TPTE: variants seen among roughly 807,000 people sequenced by gnomAD.
TPTE encodes the protein putative tyrosine-protein phosphatase TPTE.
TPTE carries 59 observed loss-of-function variants against 84.1 expected under a neutral mutation model. That is an observed-to-expected ratio of 0.70 (90% confidence interval 0.57 to 0.87). The LOEUF is 0.87. Ranked by LOEUF, TPTE falls within the 40% of genes least tolerant of loss-of-function variation. The pLI is 0.00. For missense variants in TPTE, 382 were observed against 659.6 expected (o/e 0.58, Z 4.61); for synonymous variants, 130 against 223.5 (o/e 0.58, Z 3.73).
chr21:10,603,368 A>T (rs917679641), intron 22 of TPTE, among the ~76,000 whole-genome samples, 194 bp from the exon 23 acceptor site: 2 of 152,312 alleles, frequency 1.3e-5, no homozygotes, highest in African/African-American at 4.8e-5. Context: ...AAACAGCAAG[A>T]GAATGCAGTA....
chr21:10,545,617 A>C (rs1284863229), intron 7 of TPTE, among the ~76,000 whole-genome samples: 1 of 152,272 alleles, frequency 6.6e-6, no homozygotes, highest in Non-Finnish European at 1.5e-5. Flanking sequence ...AATTTGGGTC[A>C]GTGCTAAAGG....
In TPTE at chr21:10,603,623, A is replaced by C; in HGVS notation, c.1511A>C (p.Glu504Ala). ...FYFWLHTSFIENNRLYLPKNE... is the reference protein window; with the variant it reads ...FYFWLHTSFIANNRLYLPKNE... ...TTCTGGTTGCACACATCTTTTATTG[A>C]AAATAACAGGTATGAATATAATAGA... Residue 504 changes from glutamate to alanine, a missense_variant, in exon 23 of 24, where the codon GAA becomes GCA. Glu to Ala is a moderately radical substitution (Grantham distance 107, BLOSUM62 -1). Coordinates refer to ENST00000618007, the MANE Select transcript of TPTE (RefSeq NM_199261.4). 1 of 1,612,134 alleles carries C rather than the reference A, an allele frequency of 6.2e-7. No homozygotes were observed. Among genetic ancestry groups the C allele is most frequent in the Non-Finnish European group, 8.5e-7 (1 of 1,178,488 alleles).
intron 14 of TPTE, among the ~76,000 whole-genome samples, chr21:10,575,978 G>T (rs2075142050): frequency 6.6e-6 from 1 of 152,308 alleles, no homozygotes; most frequent in South Asian, 2.1e-4. Context: ...CTGTTGGTGG[G>T]TGTGTAAATT....
intron 10 of TPTE, among the ~76,000 whole-genome samples, chr21:10,562,245 G>T (rs2074822411): frequency 6.6e-6 from 1 of 152,312 alleles, no homozygotes; most frequent in Non-Finnish European, 1.5e-5. Flanking sequence ...CAAATATCTG[G>T]AAAGCCTTCC....
At chr21:10,587,155 T>A (rs2075381239) in intron 17 of TPTE, among the ~76,000 whole-genome samples, 1 of 152,312 alleles carries the variant, frequency 6.6e-6, no homozygotes, top group Non-Finnish European at 1.5e-5. Context: ...GGATGATTCT[T>A]GCATTTGTTA....
chr21:10,562,283 G>GACAGTGAAAACTACAATAAAT (rs1224432231), intron 10 of TPTE, among the ~76,000 whole-genome samples: 1 of 152,300 alleles, frequency 6.6e-6, no homozygotes, highest in African/African-American at 2.4e-5. Flanking sequence ...AACAAGCCCT[G>GACAGTGAAAACTACAATAAAT]ACAGTGAAAA....
At position 10,545,935 on chromosome 21, in the gene TPTE, C is replaced by T. The variant is rs964555478; in HGVS notation, c.173+2553C>T. Among the ~76,000 whole-genome samples, 10 of 152,022 alleles carry T rather than the reference C, an allele frequency of 6.6e-5. No homozygotes were observed. The East Asian group carries it at 1.4e-3, about 21-fold the overall frequency. On this transcript the variant is annotated intron_variant, in intron 7 of 23. Transcript: ENST00000618007. ...GAGCATCTGTGTATATATATGTAAACATATATGTATATATCCTTTAGCATA... is the reference window on the plus strand; with the variant it reads ...GAGCATCTGTGTATATATATGTAAATATATATGTATATATCCTTTAGCATA...
chr21:10,579,610 A>T (rs1236335464), intron 17 of TPTE, among the ~76,000 whole-genome samples: 1 of 152,308 alleles, frequency 6.6e-6, no homozygotes, highest in African/African-American at 2.4e-5. Flanking sequence ...ACTTTTTTAG[A>T]TTCCACAAAT....
chr21:10,542,567 C>CCATT (rs1334204290), intron 6 of TPTE, 119 bp downstream of exon 6: 155 of 831,254 alleles, frequency 1.9e-4, no homozygotes, highest in Admixed American at 1.2e-3. Flanking sequence ...ATCCATTCAT[C>CCATT]CATCCATCCA....
rs1175611428 is a variant in TPTE, at chr21:10,570,577, A to T, written c.795+28A>T. 9.3e-6 allele frequency: 15 copies of T among 1,613,654 alleles called. No homozygotes were observed. The East Asian group carries it at 3.3e-4, about 36-fold the overall frequency. On this transcript the variant is annotated intron_variant, in intron 14 of 23. Coordinates refer to ENST00000618007, the MANE Select transcript of TPTE (RefSeq NM_199261.4). Reference sequence around the variant, plus strand: ...AAGGGTCTTTATCTGACAAATACTCATTTCTTAGTGAATGTAGACTGTGTA... The same window carrying T: ...AAGGGTCTTTATCTGACAAATACTCTTTTCTTAGTGAATGTAGACTGTGTA...
intron 8 of TPTE, among the ~76,000 whole-genome samples, chr21:10,556,358 C>G (rs1221536262): frequency 1.3e-5 from 2 of 152,304 alleles, no homozygotes. Flanking sequence ...CATGTCCCTA[C>G]AAAGGACATG....
intron 17 of TPTE, among the ~76,000 whole-genome samples, chr21:10,579,381 T>C (rs1175143206): frequency 1.3e-5 from 2 of 152,264 alleles, no homozygotes; most frequent in Non-Finnish European, 2.9e-5. Flanking sequence ...TCCCAGCTAC[T>C]CGGAAGGCTG....
chr21:10,559,809 G>A (rs1399248280), intron 9 of TPTE, among the ~76,000 whole-genome samples: 3 of 150,430 alleles, frequency 2.0e-5, no homozygotes, highest in African/African-American at 7.4e-5. Flanking sequence ...AGGAGGCATA[G>A]ATTGCAGTGA....
intron 19 of TPTE, among the ~76,000 whole-genome samples, chr21:10,594,182 C>T (rs1288134367): frequency 6.0e-4 from 92 of 152,158 alleles, no homozygotes; most frequent in Non-Finnish European, 8.4e-4. Context: ...ATCCCATACT[C>T]CAACACATTT....
At position 10,605,681 on chromosome 21, in the gene TPTE, GT is replaced by G. The variant is rs1979227416; in HGVS notation, c.*131del. 2 of 1,447,544 alleles carry G rather than the reference GT, an allele frequency of 1.4e-6. No individual in the cohort carries two copies. Among genetic ancestry groups the G allele is most frequent in the African/African-American group, 2.9e-5 (2 of 69,126 alleles). 89.7% of individuals were successfully genotyped at this position (1,447,544 alleles called of 1,614,324 possible). On this transcript the variant is annotated 3_prime_UTR_variant, in exon 24 of 24. Transcript: ENST00000618007. The stretch of plus-strand genomic sequence containing the variant: ...TTTATGTTTATATATGTTTATATAT[GT>G]TCTTCATAAATCTATTACATATATA...
intron 3 of TPTE, among the ~76,000 whole-genome samples, chr21:10,536,402 T>A (rs1372931012): frequency 1.3e-5 from 2 of 152,312 alleles, no homozygotes; most frequent in Non-Finnish European, 2.9e-5. Flanking sequence ...TACATGTGTG[T>A]CCAACTATCT....
At chr21:10,553,283 G>T (rs1247530592) in intron 8 of TPTE, among the ~76,000 whole-genome samples, 1 of 152,296 alleles carries the variant, frequency 6.6e-6, no homozygotes, top group Non-Finnish European at 1.5e-5. Context: ...TGTCTGAACT[G>T]CAGACATATT....
chr21:10,541,536 G>GAAAGAGATTA (rs1296824780), intron 5 of TPTE, among the ~76,000 whole-genome samples: 9 of 152,290 alleles, frequency 5.9e-5, no homozygotes, highest in Non-Finnish European at 1.3e-4. Flanking sequence ...AAGAGACCGA[G>GAAAGAGATTA]ATTAGTGGGA....
chr21:10,542,546 T>C (rs2074388827), intron 6 of TPTE, 98 bp downstream of exon 6: 20 of 1,364,372 alleles, frequency 1.5e-5, no homozygotes, highest in Non-Finnish European at 2.0e-5. Flanking sequence ...CATCCATCCA[T>C]CCATCCATCC....
Sources: gnomAD v4.1 joint callset for allele counts (sites outside exome capture counted in the v4.1 genomes callset) on GRCh38, gnomAD v4.1.1 for gene constraint, MANE v1.5 for transcripts, NCBI Gene and HGNC (gene_info 2026-07-23, HGNC 2026-07-21) for gene names.